MARCO: variants seen among roughly 807,000 people sequenced by gnomAD.
The protein encoded by MARCO is macrophage receptor MARCO.
In MARCO, 72 loss-of-function variants were observed where a neutral mutation model predicts 70.0. The ratio of observed to expected loss-of-function variants is 1.03; its 90% confidence interval spans 0.85 to 1.25. The LOEUF is 1.25. Among genes scored for constraint, MARCO ranks in the 50% most tolerant of loss-of-function variants. MARCO has a pLI of 0.00. For synonymous variants in MARCO, 273 were observed against 243.1 expected (o/e 1.12, Z -1.14); for missense variants, 696 against 659.3 (o/e 1.06, Z -0.61).
chr2:118,964,475 G>A (rs1680006134), intron 1 of MARCO, among the ~76,000 whole-genome samples: 1 of 152,196 alleles, frequency 6.6e-6, no homozygotes, highest in African/African-American at 2.4e-5. Flanking sequence ...TTCCCACAGT[G>A]TATTTTTATT....
chr2:118,973,389 C>T (rs1483275690), intron 4 of MARCO, among the ~76,000 whole-genome samples: 1 of 151,496 alleles, frequency 6.6e-6, no homozygotes, highest in Non-Finnish European at 1.5e-5. Context: ...ACTTCTGTCT[C>T]TCTCTCTCTC....
At chr2:118,991,356 G>A (rs1024665373) in intron 13 of MARCO, among the ~76,000 whole-genome samples, 2 of 150,592 alleles carry the variant, frequency 1.3e-5, no homozygotes, top group African/African-American at 4.9e-5. Flanking sequence ...TTGGCCTCCC[G>A]GGATCAAGTG....
chr2:118,981,387 C>G (rs1047271729), intron 8 of MARCO, 22 bp from the exon 9 acceptor site: 3 of 1,545,798 alleles, frequency 1.9e-6, no homozygotes, highest in Non-Finnish European at 1.8e-6. Context: ...CCACAACTAA[C>G]CAAGACTTTT....
At chr2:118,977,718 T>C (rs1680312088) in intron 7 of MARCO, 110 bp from the exon 8 acceptor site, 1 of 898,676 alleles carries the variant, frequency 1.1e-6, no homozygotes, top group Non-Finnish European at 1.7e-6. Context: ...CCAGAGGAAA[T>C]CTGGGGATCC....
In MARCO at chr2:118,982,170, C is replaced by T; in HGVS notation, c.916C>T (p.Gln306Ter). The change falls in exon 11 of 17, where the codon CAG becomes TAG. Residue 306 changes from glutamine to a stop codon, truncating the protein, a stop_gained. Transcript: ENST00000327097. LOFTEE classifies it high-confidence loss of function. ...TTTCCTTTCAGGACAACCTGGACTGCAGGGTGTTCCGGGCCCTCCTGGTGC... is the reference window on the plus strand; with the variant it reads ...TTTCCTTTCAGGACAACCTGGACTGTAGGGTGTTCCGGGCCCTCCTGGTGC... ...AKGDQGQPGL[Q>*]GVPGPPGAVG... The T allele has an allele frequency of 6.2e-7, 1 of 1,611,616 alleles. No homozygotes were observed. The highest frequency in any genetic ancestry group is 8.5e-7 in the Non-Finnish European group (1 of 1,178,342).
chr2:118,961,330 A>G lies in MARCO; in HGVS notation c.98-7830A>G, dbSNP rs191900257. Among the ~76,000 whole-genome samples the G allele has an allele frequency of 2.4e-3, 361 of 152,324 alleles. 6 individuals carry two copies. In the South Asian group the frequency reaches 0.044, roughly 19 times the overall value. On this transcript the variant is annotated intron_variant, in intron 1 of 16. Transcript: ENST00000327097. Reference sequence around the variant, plus strand: ...AATGGTTGAACTAATTTACATTCCCACCAACAGTGTAAAAGTGTTCCTATT... The same window carrying G: ...AATGGTTGAACTAATTTACATTCCCGCCAACAGTGTAAAAGTGTTCCTATT...
At position 118,977,861 on chromosome 2, in the gene MARCO, A is replaced by T; in HGVS notation, c.692A>T (p.Lys231Ile). The T allele has an allele frequency of 1.9e-6, 3 of 1,613,142 alleles. No individual in the cohort carries two copies. Among genetic ancestry groups the T allele is most frequent in the Non-Finnish European group, 2.5e-6 (3 of 1,179,644 alleles). The change falls in exon 8 of 17, where the codon AAA (lysine) becomes ATA (isoleucine). Residue 231 changes from lysine to isoleucine, a missense_variant. Transcript: ENST00000327097. ...TPGPQGEKGSKGDGGLIGPKG... is the reference protein window; with the variant it reads ...TPGPQGEKGSIGDGGLIGPKG... ...GGACCCCAAGGAGAGAAGGGCAGCA[A>T]AGGCGATGGGGGTCTCATTGGCCCA...
intron 1 of MARCO, among the ~76,000 whole-genome samples, chr2:118,965,871 G>A (rs949279434): frequency 2.6e-5 from 4 of 152,182 alleles, no homozygotes; most frequent in African/African-American, 7.2e-5. Context: ...CAGAAGGCAC[G>A]TTCCAGTACT....
chr2:118,987,395 T>G (rs1354774379), intron 12 of MARCO, among the ~76,000 whole-genome samples: 1 of 152,236 alleles, frequency 6.6e-6, no homozygotes, highest in Admixed American at 6.5e-5. Context: ...GATTAGTCCA[T>G]GGACAACCAC....
At chr2:118,986,693 GAAAGAAAGAAAGAAAGAAAGAA>G (rs1680514617) in intron 12 of MARCO, among the ~76,000 whole-genome samples, 2 of 73,622 alleles carry the variant, frequency 2.7e-5, no homozygotes, top group African/African-American at 6.1e-5. Context: ...AAGAAAGAAA[GAAAGAAAGAAAGAAAGAAAGAA>G]AGAAAGAAAA....
intron 1 of MARCO, among the ~76,000 whole-genome samples, chr2:118,961,493 G>A (rs112836464): frequency 0.01 from 1,561 of 152,130 alleles, 19 homozygotes; most frequent in African/African-American, 0.036. Context: ...CTTTTCTTGC[G>A]TATGTTGGCT....
intron 7 of MARCO, 146 bp downstream of exon 7, chr2:118,977,661 C>A (rs1680311255): frequency 3.6e-6 from 3 of 840,252 alleles, no homozygotes; most frequent in Admixed American, 4.7e-5. Context: ...CTCTTGAGTC[C>A]TGTCACATTT....
intron 4 of MARCO, among the ~76,000 whole-genome samples, chr2:118,973,426 T>C (rs1288110653): frequency 6.6e-6 from 1 of 152,194 alleles, no homozygotes; most frequent in Non-Finnish European, 1.5e-5. Context: ...CTCTTTCTTT[T>C]TGTGCCCAGA....
intron 8 of MARCO, among the ~76,000 whole-genome samples, chr2:118,979,157 G>C (rs182842982): frequency 1.3e-5 from 2 of 152,200 alleles, no homozygotes; most frequent in Non-Finnish European, 2.9e-5. Context: ...GCCCTTAGTA[G>C]GGATGTGTCA....
intron 1 of MARCO, among the ~76,000 whole-genome samples, chr2:118,960,457 T>C (rs1679921420): frequency 2.6e-5 from 4 of 152,124 alleles, no homozygotes; most frequent in Non-Finnish European, 5.9e-5. Flanking sequence ...TTGCTAAGAA[T>C]TTTTATTGTG....
chr2:118,981,269 A>G (rs1234063725), intron 8 of MARCO, 140 bp from the exon 9 acceptor site: 1 of 656,132 alleles, frequency 1.5e-6, no homozygotes, highest in East Asian at 2.8e-5. Context: ...CAGCGGTCAT[A>G]TCTTCCACTC....
intron 8 of MARCO, among the ~76,000 whole-genome samples, chr2:118,980,399 C>T (rs1375145258): frequency 1.3e-5 from 2 of 152,188 alleles, no homozygotes; most frequent in African/African-American, 2.4e-5. Context: ...CCTCATACCT[C>T]GTGAATTCAC....
At chr2:118,992,629 C>T (rs1005405660) in intron 15 of MARCO, among the ~76,000 whole-genome samples, 153 bp downstream of exon 15, 1 of 151,934 alleles carries the variant, frequency 6.6e-6, no homozygotes, top group Non-Finnish European at 1.5e-5. Flanking sequence ...AGCCTGCCCA[C>T]GGCACAGAGC....
At chr2:118,960,974 G>A (rs62157405) in intron 1 of MARCO, among the ~76,000 whole-genome samples, 11,747 of 152,132 alleles carry the variant, frequency 0.077, 527 homozygotes, top group South Asian at 0.15. Flanking sequence ...CCACATATAA[G>A]TGAGAACATG....
Sources: allele counts gnomAD v4.1 joint callset (sites outside exome capture counted in the v4.1 genomes callset), GRCh38; gene constraint gnomAD v4.1.1; transcripts MANE v1.5; gene names NCBI Gene and HGNC (gene_info 2026-07-23, HGNC 2026-07-21).